Variants in ST8SIA4 observed in about 807,000 individuals in gnomAD.
ST8SIA4 encodes CMP-N-acetylneuraminate-poly-alpha-2,8-sialyltransferase.
In ST8SIA4, 15 loss-of-function variants were observed where a neutral mutation model predicts 33.9. That is an observed-to-expected ratio of 0.44 (90% CI 0.30 to 0.68). ST8SIA4 has a LOEUF of 0.68. Among genes scored for constraint, ST8SIA4 ranks in the 30% least tolerant of loss-of-function variants. The pLI, the probability that ST8SIA4 is intolerant of heterozygous loss-of-function variation, is 0.10. For missense variants in ST8SIA4, 321 were observed against 428.0 expected (o/e 0.75, Z 2.21); for synonymous variants, 171 against 151.2 (o/e 1.13, Z -0.96).
At chr5:100,834,789 T>C (rs533886239) in intron 4 of ST8SIA4, among the ~76,000 whole-genome samples, 1 of 152,128 alleles carries the variant, frequency 6.6e-6, no homozygotes, top group Non-Finnish European at 1.5e-5. Context: ...TGAGAGCCTG[T>C]CCCACTTTGC....
At position 100,885,660 on chromosome 5, in the gene ST8SIA4, C is replaced by G. The variant is rs57657256; in HGVS notation, c.503+683G>C. On this transcript the variant is annotated intron_variant, in intron 3 of 4. Transcript: ENST00000231461. ...AGATATAAAAATTGATCATTAAAAA[C>G]TGCTTATATTTATGATGTGATTATA... 7.3e-4 allele frequency: 691 copies of G among 944,488 alleles called. 1 individual carries two copies. The African/African-American group carries it at 0.011, about 15-fold the overall frequency. 58.5% of individuals were successfully genotyped at this position (944,488 alleles called of 1,614,324 possible). A position where few individuals can be genotyped will look rare whatever the true frequency, so the allele number is the denominator to read the frequency against.
chr5:100,839,738 A>C (rs953502580), intron 4 of ST8SIA4, among the ~76,000 whole-genome samples: 9 of 151,844 alleles, frequency 5.9e-5, no homozygotes, highest in Admixed American at 4.6e-4. Flanking sequence ...AAAATCATAC[A>C]TCAAAAAGAA....
chr5:100,865,876 G>A (rs917150377), intron 3 of ST8SIA4, among the ~76,000 whole-genome samples: 10 of 151,862 alleles, frequency 6.6e-5, no homozygotes, highest in African/African-American at 2.4e-4. Flanking sequence ...TAATTTAAAT[G>A]GTCTTACAAT....
rs1580462123 is a variant in ST8SIA4, at chr5:100,851,063, G to T, written c.797+5040C>A. On this transcript the variant is annotated intron_variant, in intron 4 of 4. Coordinates refer to ENST00000231461, the MANE Select transcript of ST8SIA4 (RefSeq NM_005668.6). ...CAACCTCTGCCCCCTGGGCTTAAGC[G>T]ATTCTTCTGCCTCAGCTTCCCTAGT... is the stretch of plus-strand genomic sequence containing the variant. 2.0e-5 allele frequency among the ~76,000 whole-genome samples: 3 copies of T among 147,036 alleles called. No individual in the cohort carries two copies. The South Asian group carries it at 6.5e-4, about 32-fold the overall frequency.
intron 4 of ST8SIA4, among the ~76,000 whole-genome samples, chr5:100,826,240 A>G (rs936747162): frequency 2.0e-5 from 3 of 152,130 alleles, no homozygotes; most frequent in Non-Finnish European, 4.4e-5. Context: ...CAGTTCCCCT[A>G]TTCGTTGTTT....
Position 100,861,446 on chromosome 5 carries a change from G to A in ST8SIA4, c.504-5050C>T, listed in dbSNP as rs141150481. On this transcript the variant is annotated intron_variant, in intron 3 of 4. Coordinates refer to ENST00000231461, the MANE Select transcript of ST8SIA4 (RefSeq NM_005668.6). ...CAAAGATCTGCATACCAAGAAATAT[G>A]TTAGACTGTGTCATTCCGATACTTC... 5.0e-3 allele frequency among the ~76,000 whole-genome samples: 767 copies of A among 152,170 alleles called. 4 individuals carry two copies. Among genetic ancestry groups the A allele is most frequent in the South Asian group, 8.9e-3 (43 of 4,828 alleles).
chr5:100,825,457 T>A (rs2112408620), intron 4 of ST8SIA4, among the ~76,000 whole-genome samples: 1 of 152,320 alleles, frequency 6.6e-6, no homozygotes, highest in African/African-American at 2.4e-5. Flanking sequence ...ACATTTTTGT[T>A]ATCAAATTCT....
chr5:100,887,138 T>C (rs980448707), intron 2 of ST8SIA4, among the ~76,000 whole-genome samples: 3 of 152,008 alleles, frequency 2.0e-5, no homozygotes, highest in African/African-American at 7.2e-5. Flanking sequence ...TAAAGAAGAA[T>C]TAAAACTATA....
chr5:100,865,206 T>A (rs2059846), intron 3 of ST8SIA4, among the ~76,000 whole-genome samples: 2 of 151,972 alleles, frequency 1.3e-5, no homozygotes, highest in African/African-American at 4.8e-5. Flanking sequence ...TTTCTGTCCC[T>A]TTGCTGCTAG....
At chr5:100,840,632 C>A (rs1353573269) in intron 4 of ST8SIA4, among the ~76,000 whole-genome samples, 2 of 151,734 alleles carry the variant, frequency 1.3e-5, no homozygotes, top group South Asian at 2.1e-4. Flanking sequence ...CATTTCTTAA[C>A]ACACAAGTTA....
At chr5:100,814,381 C>A (rs1307963735) in intron 4 of ST8SIA4, among the ~76,000 whole-genome samples, 1 of 151,920 alleles carries the variant, frequency 6.6e-6, no homozygotes, top group South Asian at 2.1e-4. Flanking sequence ...ATTAATTTAG[C>A]TTTAGAAATG....
At chr5:100,835,980 T>C (rs1751355344) in intron 4 of ST8SIA4, among the ~76,000 whole-genome samples, 1 of 152,134 alleles carries the variant, frequency 6.6e-6, no homozygotes, top group Admixed American at 6.6e-5. Flanking sequence ...AAAATTCATT[T>C]ATGTATTTCA....
chr5:100,895,725 C>A lies in ST8SIA4; in HGVS notation c.174G>T (p.Lys58Asn). 1 of 1,612,832 alleles carries A rather than the reference C, an allele frequency of 6.2e-7. No homozygotes were observed. The highest frequency in any genetic ancestry group is 1.1e-5 in the South Asian group (1 of 91,038). ...TGTGCTGGAAGATTGAAGAGCCAGC[C>A]TTTCGAATGATTTTATCAGAGCTAT... Reference protein sequence around the residue: ...LVNSSDKIIRKAGSSIFQHNV... With the variant: ...LVNSSDKIIRNAGSSIFQHNV... The change falls in exon 2 of 5, where the codon AAG becomes AAT. Residue 58 changes from lysine (K) to asparagine (N), a missense_variant. Transcript: ENST00000231461.
At chr5:100,819,413 G>A (rs112545837) in intron 4 of ST8SIA4, among the ~76,000 whole-genome samples, 58 of 152,298 alleles carry the variant, frequency 3.8e-4, no homozygotes, top group Middle Eastern at 6.8e-3. Flanking sequence ...CTGCCATAAA[G>A]GGCAGATACT....
intron 4 of ST8SIA4, among the ~76,000 whole-genome samples, chr5:100,828,062 A>C (rs907136284): frequency 2.6e-5 from 4 of 152,206 alleles, no homozygotes; most frequent in African/African-American, 9.7e-5. Context: ...TCTAATTTAC[A>C]GTTCTGGGAC....
At chr5:100,878,152 A>G (rs1362296698) in intron 3 of ST8SIA4, among the ~76,000 whole-genome samples, 1 of 152,118 alleles carries the variant, frequency 6.6e-6, no homozygotes, top group Non-Finnish European at 1.5e-5. Context: ...CCTCTTCACA[A>G]GAAGTGACAG....
chr5:100,899,182 A>G (rs1752843383), intron 1 of ST8SIA4, among the ~76,000 whole-genome samples: 1 of 152,180 alleles, frequency 6.6e-6, no homozygotes, highest in Non-Finnish European at 1.5e-5. Context: ...TTCCCTTTTA[A>G]CTAGGTTAAA....
At chr5:100,825,944 A>G (rs1399818385) in intron 4 of ST8SIA4, among the ~76,000 whole-genome samples, 1 of 152,184 alleles carries the variant, frequency 6.6e-6, no homozygotes, top group East Asian at 1.9e-4. Flanking sequence ...TAATTTATAT[A>G]ATTACATAAA....
intron 4 of ST8SIA4, among the ~76,000 whole-genome samples, chr5:100,843,516 G>C (rs1397296516): frequency 6.6e-6 from 1 of 151,828 alleles, no homozygotes; most frequent in Non-Finnish European, 1.5e-5. Flanking sequence ...CATTCGACTT[G>C]TATTCTCACC....
Sources: allele counts gnomAD v4.1 joint callset (sites outside exome capture counted in the v4.1 genomes callset), GRCh38; gene constraint gnomAD v4.1.1; transcripts MANE v1.5; gene names NCBI Gene and HGNC (gene_info 2026-07-23, HGNC 2026-07-21).